The following ASTN2 variants were observed in gnomAD, a reference collection of about 807,000 sequenced individuals.
ASTN2 encodes astrotactin-2.
ASTN2 carries 54 observed loss-of-function variants against 139.8 expected under a neutral mutation model. That is an observed-to-expected ratio of 0.39 (90% CI 0.31 to 0.48). ASTN2 has a LOEUF of 0.48. Among genes scored for constraint, ASTN2 ranks in the 20% least tolerant of loss-of-function variants. The probability of loss-of-function intolerance (pLI) is 0.95; values close to 1 mark genes in which losing one functional copy is unlikely to be tolerated. For missense variants in ASTN2, 1,565 were observed against 1,725.1 expected, an observed-to-expected ratio of 0.91 and a Z score of 1.64; for synonymous variants, 756 against 719.5, an observed-to-expected ratio of 1.05 and a Z score of -0.81.
At chr9:116,466,771 G>A (rs777217096) in intron 20 of ASTN2, among the ~76,000 whole-genome samples, 28 of 152,116 alleles carry the variant, frequency 1.8e-4, no homozygotes, top group Non-Finnish European at 4.0e-4. Flanking sequence ...GGTCATGCCT[G>A]GTGCTAAAAA....
rs148013054 is a variant in ASTN2 at position 116,863,217 on chromosome 9, A to G, written c.2040+366T>C. ...CCGGACCACACCAAAGCACCTGTCC[A>G]TACTAGTTACACCTCATTGACATCC... is the stretch of plus-strand genomic sequence containing the variant. On this transcript the variant is annotated intron_variant, in intron 11 of 22. Coordinates refer to ENST00000313400, the MANE Select transcript of ASTN2 (RefSeq NM_001365068.1). Among the ~76,000 whole-genome samples, 1,182 of 152,308 alleles carry G rather than the reference A, an allele frequency of 7.8e-3. 6 individuals are homozygous for G. Among genetic ancestry groups the G allele is most frequent in the South Asian group, 0.017 (81 of 4,826 alleles).
intron 11 of ASTN2, among the ~76,000 whole-genome samples, chr9:116,839,739 C>T (rs1226269543): frequency 2.6e-5 from 4 of 151,702 alleles, no homozygotes; most frequent in East Asian, 1.9e-4. Context: ...GGCGTGATCT[C>T]GGCATACTGC....
intron 19 of ASTN2, among the ~76,000 whole-genome samples, chr9:116,554,649 A>G (rs1444162444): frequency 1.3e-5 from 2 of 152,176 alleles, no homozygotes; most frequent in African/African-American, 4.8e-5. Flanking sequence ...TCTGGCTCAG[A>G]ACATTCCAGA....
chr9:116,921,623 G>A (rs1425975503), intron 10 of ASTN2, among the ~76,000 whole-genome samples: 2 of 151,690 alleles, frequency 1.3e-5, no homozygotes, highest in East Asian at 1.9e-4. Context: ...CCCAAGACTG[G>A]GTAATTTATA....
At chr9:117,316,710 T>C (rs1216554380) in intron 1 of ASTN2, among the ~76,000 whole-genome samples, 1 of 152,190 alleles carries the variant, frequency 6.6e-6, no homozygotes, top group African/African-American at 2.4e-5. Context: ...AGCACAATGC[T>C]GGGCCTCCCC....
intron 13 of ASTN2, among the ~76,000 whole-genome samples, chr9:116,744,160 G>T (rs1262877305): frequency 6.6e-6 from 1 of 152,164 alleles, no homozygotes; most frequent in Non-Finnish European, 1.5e-5. Flanking sequence ...GTCCATAGGG[G>T]TGTATGTGTG....
At chr9:116,876,161 C>A (rs1032905195) in intron 10 of ASTN2, among the ~76,000 whole-genome samples, 1 of 152,060 alleles carries the variant, frequency 6.6e-6, no homozygotes, top group Non-Finnish European at 1.5e-5. Context: ...AATATTAGCA[C>A]GAGTTTGGAA....
intron 11 of ASTN2, among the ~76,000 whole-genome samples, chr9:116,851,300 G>A (rs550981957): frequency 6.6e-6 from 1 of 152,268 alleles, no homozygotes; most frequent in East Asian, 1.9e-4. Flanking sequence ...GGTTACAATT[G>A]GAAATGGAGG....
At chr9:116,513,371 C>A (rs1235218305) in intron 19 of ASTN2, among the ~76,000 whole-genome samples, 1 of 152,208 alleles carries the variant, frequency 6.6e-6, no homozygotes, top group Non-Finnish European at 1.5e-5. Flanking sequence ...GAGAGATCAG[C>A]TGTTAGTCTG....
chr9:116,748,343 C>T (rs925849566), intron 13 of ASTN2, among the ~76,000 whole-genome samples: 1 of 149,578 alleles, frequency 6.7e-6, no homozygotes, highest in African/African-American at 2.6e-5. Flanking sequence ...GGGGGCACCT[C>T]TTAGTCCAAC....
intron 3 of ASTN2, among the ~76,000 whole-genome samples, chr9:117,174,770 A>G (rs1168691797): frequency 6.6e-6 from 1 of 152,078 alleles, no homozygotes; most frequent in Non-Finnish European, 1.5e-5. Context: ...TGATTAGTAT[A>G]TTAGGAATAG....
chr9:116,439,348 C>T (rs1847768831), intron 22 of ASTN2, among the ~76,000 whole-genome samples: 1 of 144,278 alleles, frequency 6.9e-6, no homozygotes. Flanking sequence ...CTACAGGCGC[C>T]CGCCACTACG....
chr9:117,016,656 A>AAC, intron 6 of ASTN2, among the ~76,000 whole-genome samples: 1 of 26,814 alleles, frequency 3.7e-5, no homozygotes, highest in South Asian at 9.1e-4. Flanking sequence ...ATATATATAT[A>AAC]ACCTATATAT....
chr9:117,367,903 C>T (rs1252047183), intron 1 of ASTN2, among the ~76,000 whole-genome samples: 2 of 151,990 alleles, frequency 1.3e-5, no homozygotes, highest in East Asian at 1.9e-4. Context: ...TCTGCAATGC[C>T]CTATCTTATT....
intron 10 of ASTN2, among the ~76,000 whole-genome samples, chr9:116,909,972 A>G (rs962213924): frequency 2.0e-5 from 3 of 152,284 alleles, no homozygotes; most frequent in Non-Finnish European, 4.4e-5. Flanking sequence ...GAATCAAGGC[A>G]GAAAGAAGGC....
chr9:116,633,218 A>G (rs1289085616), intron 17 of ASTN2, among the ~76,000 whole-genome samples: 1 of 152,238 alleles, frequency 6.6e-6, no homozygotes, highest in East Asian at 1.9e-4. Context: ...AGACATAGCC[A>G]TATCAGTAGC....
intron 2 of ASTN2, among the ~76,000 whole-genome samples, chr9:117,284,812 C>G (rs1237940033): frequency 6.6e-6 from 1 of 152,154 alleles, no homozygotes; most frequent in African/African-American, 2.4e-5. Flanking sequence ...CAGGTAATTC[C>G]ATCAGAGAAA....
chr9:116,595,124 C>T lies in ASTN2; in HGVS notation c.3355+23200G>A, dbSNP rs189931149. Reference sequence around the variant, plus strand: ...TATGCCCCCTCTAAACCTGAGTTTTCCCACATGTGAAATGAAGATAATACT... The same window carrying T: ...TATGCCCCCTCTAAACCTGAGTTTTTCCACATGTGAAATGAAGATAATACT... On this transcript the variant is annotated intron_variant, in intron 19 of 22. Coordinates refer to ENST00000313400, the MANE Select transcript of ASTN2 (RefSeq NM_001365068.1). Among the ~76,000 whole-genome samples the T allele has an allele frequency of 6.0e-3, 906 of 152,250 alleles. 14 individuals carry two copies. Among genetic ancestry groups the T allele is most frequent in the African/African-American group, 0.021 (876 of 41,540 alleles).
intron 10 of ASTN2, among the ~76,000 whole-genome samples, chr9:116,950,420 T>A (rs1395266410): frequency 6.6e-6 from 1 of 152,144 alleles, no homozygotes; most frequent in African/African-American, 2.4e-5. Context: ...ATAAATTTGC[T>A]GCTGAGGGAG....
Sources: allele counts gnomAD v4.1 joint callset (sites outside exome capture counted in the v4.1 genomes callset), GRCh38; gene constraint gnomAD v4.1.1; transcripts MANE v1.5; gene names NCBI Gene and HGNC (gene_info 2026-07-23, HGNC 2026-07-21).